PRX: variants seen among roughly 807,000 people sequenced by gnomAD.
PRX encodes the protein periaxin.
In PRX, 24 loss-of-function variants were observed where a neutral mutation model predicts 29.6. The ratio of observed to expected loss-of-function variants is 0.81; its 90% confidence interval spans 0.59 to 1.14. The LOEUF is 1.14. PRX is among the 50% of genes most tolerant of loss of function. PRX has a pLI of 0.00. For synonymous variants in PRX, 772 were observed against 831.7 expected, an observed-to-expected ratio of 0.93 and a Z score of 1.24; for missense variants, 1,838 against 1,926.4, an observed-to-expected ratio of 0.95 and a Z score of 0.86.
At chr19:40,399,907 T>TTTCTTTC (rs1568712005) in intron 5 of PRX, among the ~76,000 whole-genome samples, 7 of 90,756 alleles carry the variant, frequency 7.7e-5, no homozygotes, top group Non-Finnish European at 1.6e-4. Context: ...TTCTTTCTTT[T>TTTCTTTC]TCTTTCTTTC....
At chr19:40,407,253 T>TGTGTGTGTGTGTGTG (rs1303300315) in intron 4 of PRX, among the ~76,000 whole-genome samples, 2 of 147,002 alleles carry the variant, frequency 1.4e-5, no homozygotes, top group African/African-American at 5.1e-5. Flanking sequence ...TGTGTGTGTG[T>TGTGTGTGTGTGTGTG]TTAGACAGGG....
At chr19:40,406,033 G>A (rs1217810239) in intron 4 of PRX, among the ~76,000 whole-genome samples, 1 of 151,588 alleles carries the variant, frequency 6.6e-6, no homozygotes, top group Non-Finnish European at 1.5e-5. Context: ...GATCACCTGA[G>A]GTCAGGAGTT....
At chr19:40,409,946 G>A (rs528218606) in intron 1 of PRX, among the ~76,000 whole-genome samples, 1 of 152,112 alleles carries the variant, frequency 6.6e-6, no homozygotes, top group East Asian at 1.9e-4. Context: ...GTCACAAATG[G>A]TCGAGCCAGG....
At position 40,408,034 on chromosome 19, in the gene PRX, G is replaced by T; in HGVS notation, c.-99-3C>A. On this transcript the variant is annotated splice_polypyrimidine_tract_variant and splice_region_variant and intron_variant, in intron 3 of 6. Coordinates refer to ENST00000324001, the MANE Select transcript of PRX (RefSeq NM_181882.3). ...GCATGGAGCAGCTGCCTCTGAGCCT[G>T]TGGGAGGACAGCAGTGGAGGCTTGA... 6.6e-7 allele frequency: 1 copy of T among 1,520,384 alleles called. No homozygotes were observed. Among genetic ancestry groups the T allele is most frequent in the Non-Finnish European group, 9.0e-7 (1 of 1,109,516 alleles). 94.2% of individuals were successfully genotyped at this position (1,520,384 alleles called of 1,614,324 possible).
chr19:40,398,948 G>A lies in PRX; in HGVS notation c.185-132C>T, dbSNP rs1227041859. 9 of 1,513,824 alleles carry A rather than the reference G, an allele frequency of 5.9e-6. No individual in the cohort carries two copies. The highest frequency in any genetic ancestry group is 8.0e-6 in the Non-Finnish European group (9 of 1,129,694). 93.8% of individuals were successfully genotyped at this position (1,513,824 alleles called of 1,614,324 possible). ...TTTAGTTTCTCCAATCCCCAGCGCA[G>A]GATTAAGTCGCAGTTACGCTAGTCC... On this transcript the variant is annotated intron_variant, in intron 5 of 6. Transcript: ENST00000324001. This position sits in a 1 kb window ranked among gnomAD's most constrained non-coding sequence, Gnocchi z 6.3.
At position 40,396,536 on chromosome 19, in the gene PRX, G is replaced by A. The variant is rs756737014; in HGVS notation, c.1816C>T (p.Pro606Ser). ...GGCACGGCCATCTCGGGCACCTTCG[G>A]GAGTTGCACTTCAGGGAGTTTCATC... ...PEMKLPEVQL[P>S]KVPEMAVPDV... The change falls in exon 7 of 7, where the codon CCG becomes TCG. Residue 606 changes from proline to serine, a missense_variant. By Grantham distance (74) the Pro-to-Ser change is moderately conservative. This residue lies in a region of PRX where 1,143 missense variants were observed against 1,193.0 expected (regional missense o/e 0.96). Transcript: ENST00000324001. The A allele has an allele frequency of 6.2e-7, 1 of 1,614,118 alleles. No individual in the cohort carries two copies. The highest frequency in any genetic ancestry group is 8.5e-7 in the Non-Finnish European group (1 of 1,180,020).
At position 40,403,826 on chromosome 19, in the gene PRX, C is replaced by T; in HGVS notation, c.64G>A (p.Glu22Lys). The change falls in exon 5 of 7, where the codon GAG (glutamate) becomes AAG (lysine). Residue 22 changes from glutamate to lysine, a missense_variant. By Grantham distance (56) the Glu-to-Lys change is moderately conservative (BLOSUM62 1). Around this residue, in one of 3 missense-constraint regions of PRX, gnomAD observed 666 missense variants for 665.0 expected, o/e 1.00. Transcript: ENST00000324001. ...RRAELVEIIV[E>K]TEAQTGVSGI... ...CTGACCCCGGTCTGCGCCTCCGTCT[C>T]CACGATAATTTCCACCAACTCCGCC... is the stretch of plus-strand genomic sequence containing the variant. The T allele has an allele frequency of 6.2e-7, 1 of 1,607,596 alleles. No homozygotes were observed. Among genetic ancestry groups the T allele is most frequent in the Non-Finnish European group, 8.5e-7 (1 of 1,178,716 alleles).
In PRX at chr19:40,395,753, G is replaced by T. The variant is rs2079428174; in HGVS notation, c.2599C>A (p.Leu867Met). ...TTAGCGGCTGGGACCTGCCCCTGCA[G>T]GCCAAGTGCTCCTGGCAGGTCTAGC... ...VELDLPGALG[L>M]QGQVPAAKMG... Residue 867 changes from leucine to methionine, a missense_variant, in exon 7 of 7, where the codon CTG becomes ATG. Transcript: ENST00000324001. 2.5e-6 allele frequency: 4 copies of T among 1,613,918 alleles called. No homozygotes were observed. Among genetic ancestry groups the T allele is most frequent in the Non-Finnish European group, 3.4e-6 (4 of 1,180,024 alleles).
At chr19:40,406,165 T>C (rs2079529034) in intron 4 of PRX, among the ~76,000 whole-genome samples, 1 of 150,300 alleles carries the variant, frequency 6.7e-6, no homozygotes, top group African/African-American at 2.5e-5. Context: ...GAGAATTGCT[T>C]GAACCTGGGA....
At position 40,403,723 on chromosome 19, in the gene PRX, C is replaced by T. The variant is rs769996704; in HGVS notation, c.167G>A (p.Ser56Asn). ...ELREDSPAAR[S>N]LSLQEGDQLL... is the part of the protein sequence containing the mutation. ...CCGCCCACCTTCCTGCAGGCTGAGG[C>T]TCCTGGCGGCGGGTGAGTCCTCGCG... The change falls in exon 5 of 7, where the codon AGC becomes AAC. Residue 56 changes from serine to asparagine, a missense_variant. Ser to Asn is a conservative substitution (Grantham distance 46, BLOSUM62 1). Transcript: ENST00000324001. The T allele has an allele frequency of 1.3e-6, 2 of 1,562,858 alleles. No homozygotes were observed. Among genetic ancestry groups the T allele is most frequent in the Non-Finnish European group, 1.7e-6 (2 of 1,154,524 alleles).
In PRX at chr19:40,395,947, G is replaced by A. The variant is rs755756731; in HGVS notation, c.2405C>T (p.Pro802Leu). The stretch of plus-strand genomic sequence containing the variant: ...CCCTAGCTTGGGCATGGTCATCTTG[G>A]GCATCTTGAAGCCAAATTCCATCCC... ...AEGMEFGFKM[P>L]KMTMPKLGRA... The change falls in exon 7 of 7, where the codon CCC becomes CTC. Residue 802 changes from proline (P) to leucine (L), a missense_variant. By Grantham distance (98) the Pro-to-Leu change is moderately conservative. Transcript: ENST00000324001. 6.2e-7 allele frequency: 1 copy of A among 1,614,142 alleles called. No homozygotes were observed. The highest frequency in any genetic ancestry group is 2.2e-5 in the East Asian group (1 of 44,880).
At chr19:40,409,515 C>T (rs2079549181) in intron 1 of PRX, among the ~76,000 whole-genome samples, 1 of 150,156 alleles carries the variant, frequency 6.7e-6, no homozygotes, top group African/African-American at 2.5e-5. Flanking sequence ...CTCTGTTGTC[C>T]AAGCTGGAGT....
intron 4 of PRX, among the ~76,000 whole-genome samples, chr19:40,404,514 G>C (rs992033846): frequency 6.6e-6 from 1 of 151,954 alleles, no homozygotes; most frequent in Non-Finnish European, 1.5e-5. Flanking sequence ...AAAGATAGGA[G>C]AGGAATGTGG....
chr19:40,402,065 G>A (rs1189486720), intron 5 of PRX, among the ~76,000 whole-genome samples: 2 of 152,106 alleles, frequency 1.3e-5, no homozygotes, highest in Admixed American at 1.3e-4. Context: ...TAAAAATGCA[G>A]CTGTAGGCCG....
downstream of PRX, chr19:40,393,766 G>A (rs1427241091): frequency 6.5e-6 from 5 of 765,096 alleles, no homozygotes; most frequent in African/African-American, 1.7e-5. Context: ...CAAATACATG[G>A]CTACTTCCAG....
rs938544583 is a variant in PRX, at chr19:40,398,138, G to A, written c.382-168C>T. ...CCTGTCATTTCACCATGAGTGCCCAGGAAAGCAGGCAGCCATCTAGGATCT... is the reference window on the plus strand; with the variant it reads ...CCTGTCATTTCACCATGAGTGCCCAAGAAAGCAGGCAGCCATCTAGGATCT... On this transcript the variant is annotated intron_variant, in intron 6 of 6. Coordinates refer to ENST00000324001, the MANE Select transcript of PRX (RefSeq NM_181882.3). The surrounding 1 kb of genome is among the most constrained non-coding windows in gnomAD (Gnocchi z 6.3). The A allele has an allele frequency of 1.4e-6, 2 of 1,435,098 alleles. No homozygotes were observed. The highest frequency in any genetic ancestry group is 5.7e-5 in the Admixed American group (2 of 34,796). The allele number at this position is 1,435,098 out of a possible 1,614,324, so 88.9% of individuals were successfully genotyped here.
In PRX at chr19:40,397,871, G is replaced by A. The variant is rs1176382648; in HGVS notation, c.481C>T (p.Pro161Ser). The change falls in exon 7 of 7, where the codon CCC (proline) becomes TCC (serine). Residue 161 changes from proline (P) to serine (S), a missense_variant. Physicochemically the swap from Pro to Ser is moderately conservative, Grantham distance 74. Coordinates refer to ENST00000324001, the MANE Select transcript of PRX (RefSeq NM_181882.3). ...CCCCGACGCAGGCGGGAGAACTTGGGAAAGGAGAACTCGACGTCAACAGGG... is the reference window on the plus strand; with the variant it reads ...CCCCGACGCAGGCGGGAGAACTTGGAAAAGGAGAACTCGACGTCAACAGGG... ...LAPVDVEFSFPKFSRLRRGLK... is the reference protein window; with the variant it reads ...LAPVDVEFSFSKFSRLRRGLK... 5 of 1,609,842 alleles carry A rather than the reference G, an allele frequency of 3.1e-6. No homozygotes were observed. In the African/African-American group the frequency reaches 5.3e-5, roughly 17 times the overall value.
In PRX at chr19:40,394,552, C is replaced by G. The variant is rs1489655398; in HGVS notation, c.3800G>C (p.Gly1267Ala). The change falls in exon 7 of 7, where the codon GGG becomes GCG. Residue 1267 changes from glycine to alanine, a missense_variant. By Grantham distance (60) the Gly-to-Ala change is moderately conservative (BLOSUM62 0). This residue lies in a region of PRX where 1,143 missense variants were observed against 1,193.0 expected (regional missense o/e 0.96). Coordinates refer to ENST00000324001, the MANE Select transcript of PRX (RefSeq NM_181882.3). The surrounding 1 kb of genome is among the most constrained non-coding windows in gnomAD (Gnocchi z 5.8). ...GGEGAEEQPP[G>A]AERTFCLSLP... The stretch of plus-strand genomic sequence containing the variant: ...TGAGAGGCAGAAGGTACGCTCGGCC[C>G]CTGGGGGCTGCTCCTCAGCACCCTC... 1.2e-6 allele frequency: 2 copies of G among 1,607,422 alleles called. No individual in the cohort carries two copies. The highest frequency in any genetic ancestry group is 1.7e-6 in the Non-Finnish European group (2 of 1,177,806).
intron 1 of PRX, among the ~76,000 whole-genome samples, chr19:40,410,451 C>T (rs1048512273): frequency 3.9e-5 from 6 of 152,194 alleles, no homozygotes; most frequent in Non-Finnish European, 8.8e-5. Context: ...ACAGCACCCA[C>T]GCCCCCCACA....
Sources: gnomAD v4.1 joint callset for allele counts (sites outside exome capture counted in the v4.1 genomes callset) on GRCh38, gnomAD v4.1.1 for gene constraint, gnomAD v4.1.1 regional missense constraint, Gnocchi (gnomAD v3.1) non-coding constraint, MANE v1.5 for transcripts, NCBI Gene and HGNC (gene_info 2026-07-23, HGNC 2026-07-21) for gene names.